The following EPB41 variants were observed in gnomAD, a reference collection of about 807,000 sequenced individuals.
The protein encoded by EPB41 is protein 4.1.
A neutral mutation model predicts 108.0 loss-of-function variants in EPB41; 65 were observed. The ratio of observed to expected loss-of-function variants is 0.60; its 90% CI spans 0.49 to 0.74. The LOEUF is 0.74. Ranked by LOEUF, EPB41 falls within the 30% of genes least tolerant of loss-of-function variation. The probability of loss-of-function intolerance (pLI) is 0.00; values close to 1 mark genes in which losing one functional copy is unlikely to be tolerated. For synonymous variants in EPB41, 336 were observed against 358.9 expected (o/e 0.94, Z 0.72); for missense variants, 875 against 1,037.0 (o/e 0.84, Z 2.15).
chr1:29,070,692 A>G (rs1308604122), intron 16 of EPB41: 1 of 1,230,892 alleles, frequency 8.1e-7, no homozygotes, highest in Non-Finnish European at 1.0e-6. Context: ...TTATTGCTGT[A>G]TGATGCCCTC....
chr1:29,067,367 G>T (rs1648619838), intron 16 of EPB41, among the ~76,000 whole-genome samples: 2 of 151,880 alleles, frequency 1.3e-5, no homozygotes, highest in Non-Finnish European at 2.9e-5. Context: ...GTGGTGGCAG[G>T]CACCTGTAGT....
chr1:29,080,946 T>A (rs1178518993), intron 16 of EPB41, among the ~76,000 whole-genome samples: 2 of 152,214 alleles, frequency 1.3e-5, no homozygotes. Flanking sequence ...TACTAATCAT[T>A]AAGGAAGTAG....
At chr1:29,086,311 G>C (rs1354442152) in intron 16 of EPB41, among the ~76,000 whole-genome samples, 1 of 137,452 alleles carries the variant, frequency 7.3e-6, no homozygotes, top group African/African-American at 2.7e-5. Flanking sequence ...GTCTTGCTGT[G>C]TCACCAGGCT....
intron 1 of EPB41, chr1:28,890,963 G>A (rs548172183): frequency 8.6e-5 from 85 of 985,362 alleles, no homozygotes; most frequent in Middle Eastern, 5.2e-4. Flanking sequence ...TTGAGGCTGG[G>A]GAACTGGGGA....
intron 1 of EPB41, among the ~76,000 whole-genome samples, chr1:28,901,705 TG>T (rs1274386127): frequency 1.3e-5 from 2 of 152,094 alleles, no homozygotes; most frequent in East Asian, 3.9e-4. Flanking sequence ...ATCTAATTTT[TG>T]TATTTTTAGT....
chr1:29,004,983 G>A lies in EPB41; in HGVS notation c.787-6882G>A, dbSNP rs185733497. The stretch of plus-strand genomic sequence containing the variant: ...TATAAGGGTAGCTGATGACTAACTC[G>A]GGGAATGGAGTTCTTTTTTTTAAAA... On this transcript the variant is annotated intron_variant, in intron 4 of 20. Transcript: ENST00000343067. Among the ~76,000 whole-genome samples, 297 of 152,232 alleles carry A rather than the reference G, an allele frequency of 2.0e-3. 8 individuals carry two copies. Among genetic ancestry groups the A allele is most frequent in the Admixed American group, 0.019 (288 of 15,272 alleles).
At chr1:29,116,695 G>A (rs557385424) in intron 20 of EPB41, 124 bp from the exon 21 acceptor site, 43 of 152,316 alleles carry the variant, frequency 2.8e-4, no homozygotes, top group African/African-American at 7.9e-4. Flanking sequence ...CTCACTAGGT[G>A]GGACCAGGCC....
At chr1:28,994,897 C>T (rs970888929) in intron 3 of EPB41, among the ~76,000 whole-genome samples, 3 of 149,824 alleles carry the variant, frequency 2.0e-5, no homozygotes, top group African/African-American at 7.4e-5. Context: ...CCGGCTCAAG[C>T]GATCTGCCTG....
upstream of EPB41, chr1:28,887,151 G>T: frequency 9.2e-7 from 1 of 1,084,072 alleles, no homozygotes; most frequent in Non-Finnish European, 1.2e-6. This position sits in a 1 kb window ranked among gnomAD's most constrained non-coding sequence, Gnocchi z 4.9. Flanking sequence ...ACCTCTTAAA[G>T]GGCGAGAGCG....
At chr1:28,921,378 A>G (rs1309529240) in intron 1 of EPB41, among the ~76,000 whole-genome samples, 1 of 152,128 alleles carries the variant, frequency 6.6e-6, no homozygotes, top group Non-Finnish European at 1.5e-5. Context: ...TTTCACCTTA[A>G]TAATACATTT....
At chr1:29,032,112 A>G (rs1447355847) in intron 8 of EPB41, among the ~76,000 whole-genome samples, 3 of 151,712 alleles carry the variant, frequency 2.0e-5, no homozygotes, top group Admixed American at 6.6e-5. Context: ...AAAAAAAAAA[A>G]AAAGAAAAAA....
intron 5 of EPB41, among the ~76,000 whole-genome samples, chr1:29,015,251 G>A (rs2096562454): frequency 6.6e-6 from 1 of 151,234 alleles, no homozygotes; most frequent in Non-Finnish European, 1.5e-5. Flanking sequence ...ATTTAAAGAT[G>A]TATTAATATA....
chr1:28,999,125 C>A (rs2096245938), intron 4 of EPB41, among the ~76,000 whole-genome samples: 1 of 152,152 alleles, frequency 6.6e-6, no homozygotes, highest in South Asian at 2.1e-4. Context: ...AATCCCAGCA[C>A]TTTGGGAGGC....
At chr1:29,105,744 T>A (rs12740136) in intron 17 of EPB41, among the ~76,000 whole-genome samples, 2 of 23,442 alleles carry the variant, frequency 8.5e-5, no homozygotes, top group Non-Finnish European at 2.8e-4. Flanking sequence ...TGTACAGATC[T>A]TTTTTTTTTT....
chr1:28,920,576 TCAAGTGAGAAACTC>T (rs1488088509), intron 1 of EPB41, among the ~76,000 whole-genome samples: 1 of 152,238 alleles, frequency 6.6e-6, no homozygotes, highest in Non-Finnish European at 1.5e-5. Flanking sequence ...TAGAAAAGTT[TCAAGTGAGAAACTC>T]CCCGTGATTT....
At chr1:28,962,417 A>G (rs1416970457) in intron 1 of EPB41, among the ~76,000 whole-genome samples, 2 of 152,144 alleles carry the variant, frequency 1.3e-5, no homozygotes, top group Admixed American at 6.5e-5. Flanking sequence ...GCATCAACCT[A>G]TATAATTCAT....
rs536363554 is a variant in EPB41 at position 29,111,933 on chromosome 1, C to T, written c.2416-435C>T. Reference sequence around the variant, plus strand: ...CAGAGGTTGCAGTGAGCCGAGATCACACCACTACACTCCAGCCTGGACAAC... The same window carrying T: ...CAGAGGTTGCAGTGAGCCGAGATCATACCACTACACTCCAGCCTGGACAAC... On this transcript the variant is annotated intron_variant, in intron 18 of 20. Transcript: ENST00000343067. 6.9e-4 allele frequency among the ~76,000 whole-genome samples: 104 copies of T among 150,926 alleles called. 1 individual carries two copies. Among genetic ancestry groups the T allele is most frequent in the African/African-American group, 2.4e-3 (99 of 41,088 alleles).
intron 1 of EPB41, among the ~76,000 whole-genome samples, chr1:28,930,872 A>G (rs899137809): frequency 2.0e-5 from 3 of 152,200 alleles, no homozygotes; most frequent in Admixed American, 6.5e-5. Context: ...CCTGTGGTAT[A>G]TTGTACCTTG....
intron 16 of EPB41, among the ~76,000 whole-genome samples, chr1:29,078,160 A>G (rs946564050): frequency 6.6e-6 from 1 of 152,176 alleles, no homozygotes; most frequent in African/African-American, 2.4e-5. Flanking sequence ...CAGACATTGC[A>G]GTGAGCCAAA....
Sources: allele counts gnomAD v4.1 joint callset (sites outside exome capture counted in the v4.1 genomes callset), GRCh38; gene constraint gnomAD v4.1.1; non-coding constraint Gnocchi (gnomAD v3.1); transcripts MANE v1.5; gene names NCBI Gene and HGNC (gene_info 2026-07-23, HGNC 2026-07-21).